Variants in PDZRN4 observed in about 807,000 individuals in gnomAD.
The protein encoded by PDZRN4 is PDZ domain containing ring finger 4.
In PDZRN4, 70 loss-of-function variants were observed where a neutral mutation model predicts 99.0. The ratio of observed to expected loss-of-function variants is 0.71; its 90% CI spans 0.58 to 0.86. PDZRN4 has a LOEUF of 0.86. PDZRN4 is among the 40% of genes least tolerant of loss of function. The probability of loss-of-function intolerance (pLI) is 0.00; values close to 1 mark genes in which losing one functional copy is unlikely to be tolerated. For synonymous variants in PDZRN4, 551 were observed against 501.6 expected (o/e 1.10, Z -1.32); for missense variants, 1,474 against 1,331.2 (o/e 1.11, Z -1.67).
intron 3 of PDZRN4, among the ~76,000 whole-genome samples, chr12:41,484,260 C>G (rs1489036636): frequency 6.6e-6 from 1 of 152,110 alleles, no homozygotes; most frequent in East Asian, 1.9e-4. Flanking sequence ...CAAAGTAAAT[C>G]TATGTGAATT....
intron 3 of PDZRN4, among the ~76,000 whole-genome samples, chr12:41,212,163 T>C (rs1041251273): frequency 1.3e-5 from 2 of 152,010 alleles, no homozygotes; most frequent in African/African-American, 4.8e-5. Flanking sequence ...TTAGATTATA[T>C]TGTCATTAAA....
At chr12:41,227,135 G>T (rs949777246) in intron 3 of PDZRN4, among the ~76,000 whole-genome samples, 13 of 152,092 alleles carry the variant, frequency 8.5e-5, no homozygotes, top group African/African-American at 2.9e-4. Flanking sequence ...ATTTTTTACA[G>T]ATAGTAAGTA....
chr12:41,496,334 G>A (rs1938003010), intron 3 of PDZRN4, among the ~76,000 whole-genome samples: 1 of 152,064 alleles, frequency 6.6e-6, no homozygotes, highest in Admixed American at 6.6e-5. Context: ...GAAGTGTTAT[G>A]GATCACCACC....
intron 3 of PDZRN4, among the ~76,000 whole-genome samples, chr12:41,499,236 A>C (rs1315900679): frequency 6.6e-6 from 1 of 152,092 alleles, no homozygotes; most frequent in East Asian, 1.9e-4. Flanking sequence ...ATCCTGGGTG[A>C]GGCAGGGGTG....
At chr12:41,194,323 T>C (rs1950757954) in intron 3 of PDZRN4, 135 bp downstream of exon 3, 2 of 619,376 alleles carry the variant, frequency 3.2e-6, no homozygotes, top group Non-Finnish European at 5.7e-6. Context: ...GGCATTATCA[T>C]TTTTACTTTC....
intron 3 of PDZRN4, among the ~76,000 whole-genome samples, chr12:41,504,833 G>T (rs1480275179): frequency 2.0e-5 from 3 of 152,176 alleles, no homozygotes; most frequent in Admixed American, 6.5e-5. Context: ...ATTAGTGAAT[G>T]TGTTCACACT....
At chr12:41,453,027 C>G (rs1487795104) in intron 3 of PDZRN4, among the ~76,000 whole-genome samples, 1 of 152,156 alleles carries the variant, frequency 6.6e-6, no homozygotes, top group East Asian at 1.9e-4. Flanking sequence ...CCCTGCTGAT[C>G]TGATGGCAGA....
At chr12:41,555,364 A>G (rs1939139187) in intron 6 of PDZRN4, among the ~76,000 whole-genome samples, 1 of 151,948 alleles carries the variant, frequency 6.6e-6, no homozygotes. Flanking sequence ...ACTGAAGATC[A>G]TGTGACAGTT....
intron 3 of PDZRN4, among the ~76,000 whole-genome samples, chr12:41,377,521 C>T (rs149883217): frequency 0.015 from 2,354 of 152,098 alleles, 56 homozygotes; most frequent in African/African-American, 0.053. Flanking sequence ...AAAAATTAGC[C>T]GGGCATGGCA....
chr12:41,516,756 A>G (rs558327881), intron 5 of PDZRN4, among the ~76,000 whole-genome samples: 34 of 150,530 alleles, frequency 2.3e-4, no homozygotes, highest in African/African-American at 5.4e-4. Flanking sequence ...TGTATGGCTC[A>G]TTATGAATAG....
At chr12:41,338,679 A>G (rs1592018379) in intron 3 of PDZRN4, among the ~76,000 whole-genome samples, 1 of 152,050 alleles carries the variant, frequency 6.6e-6, no homozygotes. Flanking sequence ...GAACAACTAT[A>G]TGCCAACAAA....
intron 5 of PDZRN4, among the ~76,000 whole-genome samples, chr12:41,544,989 C>T (rs901717137): frequency 9.2e-5 from 14 of 152,228 alleles, no homozygotes; most frequent in Non-Finnish European, 1.9e-4. Context: ...GTTTAAGAAC[C>T]GATAGGACAA....
chr12:41,432,000 T>C (rs896586303), intron 3 of PDZRN4, among the ~76,000 whole-genome samples: 8 of 152,210 alleles, frequency 5.3e-5, no homozygotes, highest in Non-Finnish European at 1.2e-4. Flanking sequence ...TCTGTATTAA[T>C]AAAGGACAAT....
chr12:41,363,827 A>C (rs1418302450), intron 3 of PDZRN4, among the ~76,000 whole-genome samples: 1 of 152,082 alleles, frequency 6.6e-6, no homozygotes, highest in Non-Finnish European at 1.5e-5. Context: ...GAAAATGACG[A>C]CTACCTTCCA....
intron 3 of PDZRN4, among the ~76,000 whole-genome samples, chr12:41,317,600 C>G (rs1456017245): frequency 6.6e-6 from 1 of 151,932 alleles, no homozygotes; most frequent in African/African-American, 2.4e-5. Flanking sequence ...AAAAGCAAAA[C>G]AAAGAAAGAA....
chr12:41,485,921 A>T (rs1037900639), intron 3 of PDZRN4, among the ~76,000 whole-genome samples: 4 of 152,172 alleles, frequency 2.6e-5, no homozygotes, highest in Non-Finnish European at 4.4e-5. Context: ...TAAAAAATTT[A>T]ACACTTACTG....
chr12:41,331,184 A>C (rs1276939720), intron 3 of PDZRN4, among the ~76,000 whole-genome samples: 1 of 152,158 alleles, frequency 6.6e-6, no homozygotes, highest in Non-Finnish European at 1.5e-5. Context: ...TTTTATGACT[A>C]TGAAAAGCTG....
chr12:41,193,194 T>C (rs1178210336), intron 2 of PDZRN4, among the ~76,000 whole-genome samples: 1 of 152,258 alleles, frequency 6.6e-6, no homozygotes, highest in Non-Finnish European at 1.5e-5. Flanking sequence ...ATTTTCGTTA[T>C]CATTTTCCCT....
At chr12:41,471,904 C>A (rs959018957) in intron 3 of PDZRN4, among the ~76,000 whole-genome samples, 3 of 110,764 alleles carry the variant, frequency 2.7e-5, no homozygotes, top group African/African-American at 4.6e-5. Flanking sequence ...AATTATATTT[C>A]TAATTAACTT....
Sources: gnomAD v4.1 joint callset for allele counts (sites outside exome capture counted in the v4.1 genomes callset) on GRCh38, gnomAD v4.1.1 for gene constraint, MANE v1.5 for transcripts, NCBI Gene and HGNC (gene_info 2026-07-23, HGNC 2026-07-21) for gene names.